Variants in ZNF385D observed in about 807,000 individuals in gnomAD.
ZNF385D encodes zinc finger protein 385D.
In ZNF385D, 15 loss-of-function variants were observed where a neutral mutation model predicts 35.8. That is an observed-to-expected ratio of 0.42 (90% CI 0.28 to 0.64). ZNF385D has a LOEUF of 0.64. ZNF385D is among the 30% of genes least tolerant of loss of function. The pLI is 0.23. For synonymous variants in ZNF385D, 212 were observed against 186.8 expected, an observed-to-expected ratio of 1.13 and a Z score of -1.10; for missense variants, 474 against 494.6, an observed-to-expected ratio of 0.96 and a Z score of 0.39.
intron 2 of ZNF385D, among the ~76,000 whole-genome samples, chr3:22,299,181 T>A (rs1299657766): frequency 6.6e-6 from 1 of 151,934 alleles, no homozygotes; most frequent in African/African-American, 2.4e-5. Flanking sequence ...ATGACAAATA[T>A]TGCTATACTG....
chr3:21,605,066 C>G (rs1157892830), intron 2 of ZNF385D, among the ~76,000 whole-genome samples: 1 of 152,162 alleles, frequency 6.6e-6, no homozygotes, highest in Non-Finnish European at 1.5e-5. Flanking sequence ...ATGGAAATTA[C>G]ACTTTGTCCT....
chr3:21,665,619 C>G (rs2066381860), intron 1 of ZNF385D, among the ~76,000 whole-genome samples: 1 of 152,202 alleles, frequency 6.6e-6, no homozygotes, highest in African/African-American at 2.4e-5. Flanking sequence ...AGCACCCCTA[C>G]AGCTCTGAGT....
intron 1 of ZNF385D, among the ~76,000 whole-genome samples, chr3:21,695,205 C>T (rs929693679): frequency 1.3e-5 from 2 of 152,180 alleles, no homozygotes; most frequent in Admixed American, 1.3e-4. Context: ...GTCAGACATC[C>T]AAAGGACATC....
At chr3:22,363,971 T>A (rs1444156627) in intron 2 of ZNF385D, among the ~76,000 whole-genome samples, 1 of 152,136 alleles carries the variant, frequency 6.6e-6, no homozygotes, top group Non-Finnish European at 1.5e-5. Flanking sequence ...TGCTTATGAG[T>A]TAGCTTTGCT....
intron 2 of ZNF385D, among the ~76,000 whole-genome samples, chr3:22,326,457 C>T (rs566104571): frequency 8.5e-5 from 13 of 152,272 alleles, no homozygotes; most frequent in Non-Finnish European, 1.5e-4. Flanking sequence ...TTAATTATCT[C>T]CTGTTATTTC....
At chr3:21,704,895 T>G (rs2067842368) in intron 1 of ZNF385D, among the ~76,000 whole-genome samples, 1 of 152,196 alleles carries the variant, frequency 6.6e-6, no homozygotes, top group Non-Finnish European at 1.5e-5. Context: ...GTTATAAGCT[T>G]AACCCTAGCA....
intron 3 of ZNF385D, among the ~76,000 whole-genome samples, chr3:21,916,164 CA>C (rs1199134622): frequency 4.6e-5 from 7 of 151,826 alleles, no homozygotes; most frequent in African/African-American, 1.7e-4. Flanking sequence ...CTCTATAGGT[CA>C]TATTTTGTTA....
intron 4 of ZNF385D, among the ~76,000 whole-genome samples, chr3:21,470,743 C>T (rs1457587): frequency 0.47 from 70,789 of 151,724 alleles, 17,038 homozygotes; most frequent in East Asian, 0.83. Flanking sequence ...GGTTTGACTA[C>T]GGAGGCAAAA....
At chr3:21,494,689 C>G (rs1559345564) in intron 4 of ZNF385D, among the ~76,000 whole-genome samples, 1 of 152,066 alleles carries the variant, frequency 6.6e-6, no homozygotes, top group South Asian at 2.1e-4. Flanking sequence ...TTCCCATAAT[C>G]TTTACAAGCC....
At chr3:22,351,213 A>G (rs1695901162) in intron 2 of ZNF385D, among the ~76,000 whole-genome samples, 1 of 152,156 alleles carries the variant, frequency 6.6e-6, no homozygotes, top group African/African-American at 2.4e-5. Flanking sequence ...TTTGTTTTCC[A>G]TAAAGACAGT....
chr3:21,792,748 A>G (rs986416186), intron 3 of ZNF385D, among the ~76,000 whole-genome samples: 69 of 152,112 alleles, frequency 4.5e-4, no homozygotes, highest in African/African-American at 1.6e-3. Context: ...CTTACTCCCA[A>G]TTGCATAAAG....
chr3:22,230,021 G>A (rs1698792922), intron 2 of ZNF385D, among the ~76,000 whole-genome samples: 1 of 152,114 alleles, frequency 6.6e-6, no homozygotes, highest in African/African-American at 2.4e-5. Flanking sequence ...AATAACAAGG[G>A]TCCAGTTACT....
chr3:21,948,937 T>TTGACAA (rs1701924600), intron 3 of ZNF385D, among the ~76,000 whole-genome samples: 1 of 152,164 alleles, frequency 6.6e-6, no homozygotes, highest in African/African-American at 2.4e-5. Flanking sequence ...ACCAATTACA[T>TTGACAA]TGACAAATTG....
intron 1 of ZNF385D, among the ~76,000 whole-genome samples, chr3:21,719,709 A>G (rs776226552): frequency 3.3e-5 from 5 of 152,164 alleles, no homozygotes; most frequent in Non-Finnish European, 7.3e-5. Context: ...CGCCAGTCCG[A>G]TCCTTAGAAG....
intron 2 of ZNF385D, among the ~76,000 whole-genome samples, chr3:21,631,190 T>G (rs1418249012): frequency 6.6e-6 from 1 of 152,112 alleles, no homozygotes; most frequent in Non-Finnish European, 1.5e-5. Context: ...TTTTCCACGC[T>G]GCACTTCAGT....
intron 2 of ZNF385D, among the ~76,000 whole-genome samples, chr3:22,372,131 C>T (rs916184693): frequency 6.6e-6 from 1 of 152,110 alleles, no homozygotes; most frequent in Non-Finnish European, 1.5e-5. Context: ...CCCCCCGCCT[C>T]GGCCTCCCCT....
At chr3:21,550,828 A>G (rs1163376859) in intron 3 of ZNF385D, among the ~76,000 whole-genome samples, 1 of 152,178 alleles carries the variant, frequency 6.6e-6, no homozygotes, top group Non-Finnish European at 1.5e-5. Context: ...AATATATTGT[A>G]ATGATACCAA....
chr3:22,089,383 G>A (rs1454247758), intron 3 of ZNF385D, among the ~76,000 whole-genome samples: 1 of 152,144 alleles, frequency 6.6e-6, no homozygotes, highest in Non-Finnish European at 1.5e-5. Flanking sequence ...TAGATATTAA[G>A]CTTTGTCAGT....
intron 4 of ZNF385D, among the ~76,000 whole-genome samples, chr3:21,448,999 A>T: frequency 6.6e-6 from 1 of 152,142 alleles, no homozygotes; most frequent in East Asian, 1.9e-4. Context: ...TCTGAATATG[A>T]AATAACAATT....
Sources: allele counts gnomAD v4.1 joint callset (sites outside exome capture counted in the v4.1 genomes callset), GRCh38; gene constraint gnomAD v4.1.1; transcripts MANE v1.5; gene names NCBI Gene and HGNC (gene_info 2026-07-23, HGNC 2026-07-21).